PLD1: variants seen among roughly 807,000 people sequenced by gnomAD.
PLD1 encodes the protein phospholipase D1, also known as choline phosphatase 1.
A neutral mutation model predicts 137.1 loss-of-function variants in PLD1; 112 were observed. The ratio of observed to expected loss-of-function variants is 0.82; its 90% CI spans 0.70 to 0.96. The LOEUF (loss-of-function observed/expected upper bound fraction) is 0.96. Ranked by LOEUF, PLD1 falls within the 40% of genes least tolerant of loss-of-function variation. The pLI is 0.00. For synonymous variants in PLD1, 431 were observed against 454.7 expected, an observed-to-expected ratio of 0.95 and a Z score of 0.66; for missense variants, 1,321 against 1,342.0, an observed-to-expected ratio of 0.98 and a Z score of 0.24.
intron 1 of PLD1, among the ~76,000 whole-genome samples, chr3:171,764,926 A>AAGGAAGG (rs1287966847): frequency 5.8e-5 from 1 of 17,258 alleles, no homozygotes; most frequent in Admixed American, 6.4e-4. Context: ...GAAAGAAAGG[A>AAGGAAGG]AAGAAAGGAA....
chr3:171,774,421 C>T (rs571870036), intron 1 of PLD1, among the ~76,000 whole-genome samples: 1 of 152,280 alleles, frequency 6.6e-6, no homozygotes, highest in East Asian at 1.9e-4. Flanking sequence ...GGACTGCCTG[C>T]AGGGACCTTA....
In PLD1 at chr3:171,671,913, AC is replaced by A. The variant is rs748651121; in HGVS notation, c.2229+2586del. On this transcript the variant is annotated intron_variant, in intron 19 of 26. Transcript: ENST00000351298. ...CTTCTTGCCCAATCGAAAAAAAAAAACATCCAAAGTTCACTAGCACTTCTAG... is the reference window on the plus strand; with the variant it reads ...CTTCTTGCCCAATCGAAAAAAAAAAAATCCAAAGTTCACTAGCACTTCTAG... 1.4e-4 allele frequency among the ~76,000 whole-genome samples: 22 copies of A among 152,010 alleles called. No individual in the cohort carries two copies. The East Asian group carries it at 3.5e-3, about 24-fold the overall frequency.
chr3:171,699,837 G>A lies in PLD1; in HGVS notation c.1146-11C>T, dbSNP rs1277545834. On this transcript the variant is annotated splice_polypyrimidine_tract_variant and intron_variant, in intron 11 of 26. Coordinates refer to ENST00000351298, the MANE Select transcript of PLD1 (RefSeq NM_002662.5). The stretch of plus-strand genomic sequence containing the variant: ...ATTTCTGGACTCAGCCTGAAACAAT[G>A]AAACCAAGATTTTAAGTAACTAAAA... 2 of 1,607,032 alleles carry A rather than the reference G, an allele frequency of 1.2e-6. No homozygotes were observed. Among genetic ancestry groups the A allele is most frequent in the Admixed American group, 1.7e-5 (1 of 59,718 alleles).
chr3:171,690,805 G>A (rs577089773), intron 13 of PLD1, among the ~76,000 whole-genome samples: 1 of 152,336 alleles, frequency 6.6e-6, no homozygotes, highest in Admixed American at 6.5e-5. Flanking sequence ...GTATCCTGCT[G>A]TTGTTGGGTA....
intron 1 of PLD1, among the ~76,000 whole-genome samples, chr3:171,756,330 C>G (rs1721027836): frequency 6.6e-6 from 1 of 151,956 alleles, no homozygotes; most frequent in South Asian, 2.1e-4. Context: ...TTTTAATTAC[C>G]CAGCTAAACT....
In PLD1 at chr3:171,676,747, G is replaced by A. The variant is rs762026031; in HGVS notation, c.2083C>T (p.Arg695Cys). 2.2e-5 allele frequency: 35 copies of A among 1,613,884 alleles called. No homozygotes were observed. The highest frequency in any genetic ancestry group is 1.4e-4 in the South Asian group (13 of 91,084). The change falls in exon 18 of 27, where the codon CGT (arginine) becomes TGT (cysteine). Residue 695 changes from arginine (R) to cysteine (C), a missense_variant. Arg to Cys is a radical substitution (Grantham distance 180). Coordinates refer to ENST00000351298, the MANE Select transcript of PLD1 (RefSeq NM_002662.5). ...AAGTTCCAGCGCTGGATGAAGTGAC[G>A]TGCCACATCACGAGCCGCCTTCCCG... is the stretch of plus-strand genomic sequence containing the variant. ...VHGKAARDVA[R>C]HFIQRWNFTK...
intron 1 of PLD1, among the ~76,000 whole-genome samples, chr3:171,774,536 A>C (rs970868544): frequency 4.6e-5 from 7 of 152,236 alleles, no homozygotes; most frequent in Non-Finnish European, 7.3e-5. Flanking sequence ...TAAACCGGAA[A>C]GTGTCCAGAT....
chr3:171,720,276 A>G (rs1163321330), intron 8 of PLD1, among the ~76,000 whole-genome samples: 3 of 127,288 alleles, frequency 2.4e-5, no homozygotes, highest in Non-Finnish European at 4.7e-5. Context: ...CCTTGGTGAC[A>G]AGGTGAGACC....
chr3:171,663,504 T>C (rs1213751828), intron 19 of PLD1, among the ~76,000 whole-genome samples: 1 of 152,220 alleles, frequency 6.6e-6, no homozygotes, highest in Admixed American at 6.5e-5. Context: ...TGGTATCTAT[T>C]AAGTGGTTAT....
intron 1 of PLD1, among the ~76,000 whole-genome samples, chr3:171,784,901 AC>A (rs1157234436): frequency 6.6e-6 from 1 of 152,238 alleles, no homozygotes; most frequent in Non-Finnish European, 1.5e-5. Context: ...TGTAGTGGAC[AC>A]CTCACACAGT....
chr3:171,682,869 C>A (rs1284896450), intron 16 of PLD1, among the ~76,000 whole-genome samples: 1 of 152,110 alleles, frequency 6.6e-6, no homozygotes, highest in Non-Finnish European at 1.5e-5. Context: ...ACCCCATGAT[C>A]CTTTGGCTTT....
At chr3:171,678,952 TA>T (rs1713670852) in intron 16 of PLD1, among the ~76,000 whole-genome samples, 1 of 151,996 alleles carries the variant, frequency 6.6e-6, no homozygotes, top group Non-Finnish European at 1.5e-5. Flanking sequence ...CCTGATATCC[TA>T]ATCATCCTTC....
At chr3:171,670,175 G>C (rs534992034) in intron 19 of PLD1, among the ~76,000 whole-genome samples, 1 of 18,532 alleles carries the variant, frequency 5.4e-5, no homozygotes, top group East Asian at 1.6e-3. Flanking sequence ...GATGGTTAAT[G>C]GGTACAAACA....
intron 21 of PLD1, among the ~76,000 whole-genome samples, chr3:171,657,228 AG>A (rs2108423601): frequency 6.6e-6 from 1 of 152,324 alleles, no homozygotes; most frequent in East Asian, 1.9e-4. Flanking sequence ...GTAGTTGTGA[AG>A]ATTCAGTGAG....
At chr3:171,639,029 A>G (rs1205326502) in intron 23 of PLD1, among the ~76,000 whole-genome samples, 1 of 151,900 alleles carries the variant, frequency 6.6e-6, no homozygotes, top group East Asian at 1.9e-4. Flanking sequence ...TGAGGCCTTC[A>G]GACTTGGATG....
At chr3:171,720,181 C>T (rs777849581) in intron 8 of PLD1, among the ~76,000 whole-genome samples, 12 of 149,330 alleles carry the variant, frequency 8.0e-5, no homozygotes, top group Non-Finnish European at 1.8e-4. Context: ...TGTATCCCTG[C>T]TATCTAGGGG....
intron 1 of PLD1, chr3:171,789,512 G>C (rs950958971): frequency 6.6e-6 from 1 of 152,188 alleles, no homozygotes; most frequent in African/African-American, 2.4e-5. Context: ...GAGCCCCTTT[G>C]GGCAGTGGCC....
chr3:171,651,864 G>C (rs1018568751), intron 21 of PLD1, among the ~76,000 whole-genome samples: 1 of 152,058 alleles, frequency 6.6e-6, no homozygotes, highest in Non-Finnish European at 1.5e-5. Context: ...CTCTTTTCCA[G>C]GGCACATGCT....
intron 20 of PLD1, among the ~76,000 whole-genome samples, chr3:171,661,430 A>G (rs1035841673): frequency 1.3e-5 from 2 of 152,136 alleles, no homozygotes; most frequent in Non-Finnish European, 2.9e-5. Context: ...AGTTCTCTGA[A>G]CTATTTTTAT....
Sources: allele counts gnomAD v4.1 joint callset (sites outside exome capture counted in the v4.1 genomes callset), GRCh38; gene constraint gnomAD v4.1.1; transcripts MANE v1.5; gene names NCBI Gene and HGNC (gene_info 2026-07-23, HGNC 2026-07-21).